The following SPTA1 variants were observed in gnomAD, a reference collection of about 807,000 sequenced individuals.
The protein encoded by SPTA1 is spectrin alpha chain, erythrocytic 1.
SPTA1 carries 177 observed loss-of-function variants against 324.7 expected under a neutral mutation model. The ratio of observed to expected loss-of-function variants is 0.55; its 90% CI spans 0.48 to 0.62. The LOEUF (loss-of-function observed/expected upper bound fraction) is 0.62, where lower values mean the gene tolerates loss of function less well. Ranked by LOEUF, SPTA1 falls within the 20% of genes least tolerant of loss-of-function variation. The pLI, the probability that SPTA1 is intolerant of heterozygous loss-of-function variation, is 0.00. For missense variants in SPTA1, 3,162 were observed against 2,883.6 expected (o/e 1.10, Z -2.21); for synonymous variants, 1,195 against 1,041.3 (o/e 1.15, Z -2.84).
chr1:158,647,566 T>A lies in SPTA1; in HGVS notation c.3869A>T (p.Lys1290Ile), dbSNP rs746792343. ...GGCCTTGCTGAGGAACAGGTAGAAT[T>A]TCTGGGCCTCATTTAGGCTCTCCTT... ...DRKESLNEAQ[K>I]FYLFLSKARD... Residue 1290 changes from lysine (K) to isoleucine (I), a missense_variant, in exon 27 of 52, where the codon AAA becomes ATA. Lys to Ile is a moderately radical substitution (Grantham distance 102). Coordinates refer to ENST00000643759, the MANE Select transcript of SPTA1 (RefSeq NM_003126.4). 3 of 1,613,582 alleles carry A rather than the reference T, an allele frequency of 1.9e-6. No homozygotes were observed. In the South Asian group the frequency reaches 3.3e-5, roughly 18 times the overall value.
chr1:158,649,992 A>C, intron 24 of SPTA1, 45 bp from the exon 25 acceptor site: 1 of 1,371,056 alleles, frequency 7.3e-7, no homozygotes, highest in Non-Finnish European at 1.0e-6. Flanking sequence ...GAACTAACTC[A>C]CATGGCTCAG....
At chr1:158,662,967 T>C in intron 16 of SPTA1, 22 bp from the exon 17 acceptor site, 9 of 1,613,606 alleles carry the variant, frequency 5.6e-6, no homozygotes, top group East Asian at 2.2e-5. Flanking sequence ...ATAGAATGAA[T>C]GCGAAGAAAT....
chr1:158,625,599 A>G (rs1294774801), intron 42 of SPTA1, among the ~76,000 whole-genome samples: 1 of 151,966 alleles, frequency 6.6e-6, no homozygotes, highest in East Asian at 1.9e-4. Context: ...GAAAAGTCCC[A>G]AATATTTGAA....
In SPTA1 at chr1:158,676,301, G is replaced by T; in HGVS notation, c.958-6C>A. 1 of 1,613,038 alleles carries T rather than the reference G, an allele frequency of 6.2e-7. No homozygotes were observed. Among genetic ancestry groups the T allele is most frequent in the Non-Finnish European group, 8.5e-7 (1 of 1,179,508 alleles). The stretch of plus-strand genomic sequence containing the variant: ...TTAGCACATAACTCCTTCACCTTTG[G>T]GATGAAAAAGAAACCTAGTAGGAAA... On this transcript the variant is annotated splice_polypyrimidine_tract_variant and splice_region_variant and intron_variant, in intron 7 of 51. Coordinates refer to ENST00000643759, the MANE Select transcript of SPTA1 (RefSeq NM_003126.4).
chr1:158,647,511 G>C (rs1652083602), intron 27 of SPTA1, 28 bp downstream of exon 27: 1 of 1,612,180 alleles, frequency 6.2e-7, no homozygotes, highest in Admixed American at 1.7e-5. Context: ...TTAGAGGCCA[G>C]ACACGGAAGT....
chr1:158,643,261 AGC>A, intron 31 of SPTA1, 59 bp downstream of exon 31: 1 of 1,583,850 alleles, frequency 6.3e-7, no homozygotes, highest in South Asian at 1.1e-5. Flanking sequence ...TCTCAATGCT[AGC>A]AAAAAGGTCA....
intron 26 of SPTA1, among the ~76,000 whole-genome samples, chr1:158,648,124 A>G (rs1652136062): frequency 6.6e-6 from 1 of 152,090 alleles, no homozygotes; most frequent in Non-Finnish European, 1.5e-5. Flanking sequence ...AACTCATTCA[A>G]TTCCTTGCTA....
chr1:158,668,076 A>T lies in SPTA1; in HGVS notation c.1834-14T>A. On this transcript the variant is annotated splice_polypyrimidine_tract_variant and intron_variant, in intron 14 of 51. Coordinates refer to ENST00000643759, the MANE Select transcript of SPTA1 (RefSeq NM_003126.4). ...GTTCTGTATGTCCTGAGATAAGATG[A>T]AAAAAAAAAAAAAAACCATTACCTG... is the stretch of plus-strand genomic sequence containing the variant. 2.3e-5 allele frequency: 2 copies of T among 86,814 alleles called. No homozygotes were observed. Among genetic ancestry groups the T allele is most frequent in the African/African-American group, 7.0e-4 (1 of 1,438 alleles). 5.4% of individuals were successfully genotyped at this position (86,814 alleles called of 1,614,324 possible). A position where few individuals can be genotyped will look rare whatever the true frequency, so the allele number is the denominator to read the frequency against.
chr1:158,620,565 G>T, intron 43 of SPTA1, 99 bp from the exon 44 acceptor site: 3 of 1,452,364 alleles, frequency 2.1e-6, no homozygotes, highest in Non-Finnish European at 2.8e-6. Context: ...TTAAATATCT[G>T]CAGGGCCACC....
chr1:158,685,261 A>G lies in SPTA1; in HGVS notation c.111T>C (p.Ser37=), dbSNP rs768883601. 1 of 1,613,698 alleles carries G rather than the reference A, an allele frequency of 6.2e-7. No individual in the cohort carries two copies. The highest frequency in any genetic ancestry group is 1.7e-5 in the Admixed American group (1 of 59,980). ...RRQEVLTRYQ[S]FKERVAERGQ... is the part of the protein sequence containing the mutation. ...CCCTCTCAGCGACCCGCTCCTTGAA[A>G]CTTTGATACCGAGTCAACACTTCCT... is the stretch of plus-strand genomic sequence containing the variant. Residue 37 remains serine (S), a synonymous_variant, in exon 2 of 52, where the codon AGT becomes AGC. Transcript: ENST00000643759.
In SPTA1 at chr1:158,659,592, A is replaced by ATTTTTTTTTTTTTT. The variant is rs1266984762; in HGVS notation, c.2587+1694_2587+1695insAAAAAAAAAAAAAA. Among the ~76,000 whole-genome samples the ATTTTTTTTTTTTTT allele has an allele frequency of 3.2e-5, 3 of 92,688 alleles. 1 individual carries two copies. Among genetic ancestry groups the ATTTTTTTTTTTTTT allele is most frequent in the South Asian group, 5.4e-4 (1 of 1,866 alleles). 60.8% of individuals were successfully genotyped at this position (92,688 alleles called of 152,430 possible). A position where few individuals can be genotyped will look rare whatever the true frequency, so the allele number is the denominator to read the frequency against. On this transcript the variant is annotated intron_variant, in intron 18 of 51. Coordinates refer to ENST00000643759, the MANE Select transcript of SPTA1 (RefSeq NM_003126.4). ...TGTAAAAGAAAATAATAGTCTTAGC[A>ATTTTTTTTTTTTTT]TTATTTTTTTTTTTTTTTTTTTTTT...
In SPTA1 at chr1:158,642,441, G is replaced by A. The variant is rs764240181; in HGVS notation, c.4707C>T (p.Ser1569=). Residue 1569 remains serine (S), a synonymous_variant, in exon 33 of 52, where the codon AGC becomes AGT. Coordinates refer to ENST00000643759, the MANE Select transcript of SPTA1 (RefSeq NM_003126.4). ...TGGCCTCTTCATTGCCATCACAAGC[G>A]CTACACTCAATCAGGGAGTTCCCCA... The part of the protein sequence containing the change: ...INLGNSLIEC[S]ACDGNEEAMK... The A allele has an allele frequency of 4.2e-5, 68 of 1,613,344 alleles. No individual in the cohort carries two copies. In the Admixed American group the frequency reaches 4.7e-4, roughly 11 times the overall value.
chr1:158,613,862 A>G lies in SPTA1; in HGVS notation c.6848T>C (p.Phe2283Ser), dbSNP rs531558303. Reference protein sequence around the residue: ...LKEFSTIYKHFDENLTGRLTH... With the variant: ...LKEFSTIYKHSDENLTGRLTH... Reference sequence around the variant, plus strand: ...CAGGCGCCCTGTCAAATTCTCATCAAAGTGTCTAAAGGATAAAAAAAGAAA... The same window carrying G: ...CAGGCGCCCTGTCAAATTCTCATCAGAGTGTCTAAAGGATAAAAAAAGAAA... The change falls in exon 50 of 52, where the codon TTT becomes TCT. Residue 2283 changes from phenylalanine to serine, a missense_variant. Coordinates refer to ENST00000643759, the MANE Select transcript of SPTA1 (RefSeq NM_003126.4). 6.2e-7 allele frequency: 1 copy of G among 1,613,784 alleles called. No individual in the cohort carries two copies. The highest frequency in any genetic ancestry group is 8.5e-7 in the Non-Finnish European group (1 of 1,179,872).
In SPTA1 at chr1:158,650,036, A is replaced by G. The variant is rs1453501851; in HGVS notation, c.3478-89T>C. On this transcript the variant is annotated intron_variant, in intron 24 of 51. Transcript: ENST00000643759. Reference sequence around the variant, plus strand: ...GAAGACCAGACAAGATTTAAAACATAGTTGTTTTTACGTTATTTTCTTCAG... The same window carrying G: ...GAAGACCAGACAAGATTTAAAACATGGTTGTTTTTACGTTATTTTCTTCAG... The G allele has an allele frequency of 5.6e-6, 5 of 890,548 alleles. No homozygotes were observed. The Admixed American group carries it at 1.0e-4, about 18-fold the overall frequency. The allele number at this position is 890,548 out of a possible 1,614,324, so 55.2% of individuals were successfully genotyped here. A position where few individuals can be genotyped will look rare whatever the true frequency, so the allele number is the denominator to read the frequency against.
chr1:158,686,439 C>T (rs1655180892), intron 1 of SPTA1, 55 bp downstream of exon 1: 12 of 1,221,482 alleles, frequency 9.8e-6, no homozygotes, highest in Non-Finnish European at 1.5e-5. Flanking sequence ...TTAAAGGAAA[C>T]ATCTTTCCTA....
Position 158,645,361 on chromosome 1 carries a change from C to T in SPTA1, c.4021G>A (p.Glu1341Lys), listed in dbSNP as rs1453453764. The T allele has an allele frequency of 1.2e-6, 2 of 1,613,900 alleles. No individual in the cohort carries two copies. Among genetic ancestry groups the T allele is most frequent in the Non-Finnish European group, 1.7e-6 (2 of 1,179,950 alleles). The change falls in exon 29 of 52, where the codon GAG becomes AAG. Residue 1341 changes from glutamate to lysine, a missense_variant. Physicochemically the swap from Glu to Lys is moderately conservative, Grantham distance 56. Transcript: ENST00000643759. ...TCTAAGGCCTGGAAGGTGGGAGCCTCTGCCTCCATGTCAGCACGGTGCTCC... is the reference window on the plus strand; with the variant it reads ...TCTAAGGCCTGGAAGGTGGGAGCCTTTGCCTCCATGTCAGCACGGTGCTCC... Reference protein sequence around the residue: ...HQEHRADMEAEAPTFQALEDF... With the variant: ...HQEHRADMEAKAPTFQALEDF...
chr1:158,677,463 A>T (rs1036288700), intron 7 of SPTA1, among the ~76,000 whole-genome samples: 1 of 152,198 alleles, frequency 6.6e-6, no homozygotes, highest in African/African-American at 2.4e-5. Context: ...AATATAAAAC[A>T]TATGTGTATA....
intron 27 of SPTA1, among the ~76,000 whole-genome samples, 181 bp downstream of exon 27, chr1:158,647,358 C>A (rs577425930): frequency 6.6e-6 from 1 of 152,292 alleles, no homozygotes; most frequent in African/African-American, 2.4e-5. Flanking sequence ...GCTTCATATT[C>A]TTTCAAACTT....
rs1337113911 is a variant in SPTA1, at chr1:158,642,548, G to A, written c.4606-6C>T. The A allele has an allele frequency of 3.7e-6, 6 of 1,613,260 alleles. No individual in the cohort carries two copies. The highest frequency in any genetic ancestry group is 3.3e-5 in the Admixed American group (2 of 59,918). On this transcript the variant is annotated splice_polypyrimidine_tract_variant and splice_region_variant and intron_variant, in intron 32 of 51. Coordinates refer to ENST00000643759, the MANE Select transcript of SPTA1 (RefSeq NM_003126.4). ...TGGTGTTTCAGGTATTTCCTCTGAA[G>A]GGAAAATGAAACAGAAATTATATTA...
Sources: gnomAD v4.1 joint callset for allele counts (sites outside exome capture counted in the v4.1 genomes callset) on GRCh38, gnomAD v4.1.1 for gene constraint, MANE v1.5 for transcripts, NCBI Gene and HGNC (gene_info 2026-07-23, HGNC 2026-07-21) for gene names.